Variants in WHRN observed in about 807,000 individuals in gnomAD.
WHRN encodes whirlin.
A neutral mutation model predicts 68.3 loss-of-function variants in WHRN; 41 were observed. The ratio of observed to expected loss-of-function variants is 0.60; its 90% confidence interval spans 0.47 to 0.78. The LOEUF (loss-of-function observed/expected upper bound fraction) is 0.78, where lower values mean the gene tolerates loss of function less well. WHRN is among the 30% of genes least tolerant of loss of function. The probability of loss-of-function intolerance (pLI) is 0.00; values close to 1 mark genes in which losing one functional copy is unlikely to be tolerated. For missense variants in WHRN, 1,243 were observed against 1,244.7 expected (o/e 1.00, Z 0.02); for synonymous variants, 560 against 561.3 (o/e 1.00, Z 0.03).
intron 1 of WHRN, among the ~76,000 whole-genome samples, chr9:114,502,392 T>C (rs1294673519): frequency 1.3e-5 from 2 of 152,182 alleles, no homozygotes; most frequent in African/African-American, 4.8e-5. Context: ...ATGGAGAGTT[T>C]AGGTTTTACT....
intron 1 of WHRN, among the ~76,000 whole-genome samples, chr9:114,501,221 CTT>C (rs1224966851): frequency 6.6e-6 from 1 of 152,154 alleles, no homozygotes; most frequent in Admixed American, 6.5e-5. Context: ...GAAAGGTCTA[CTT>C]TTTTATTATT....
intron 1 of WHRN, among the ~76,000 whole-genome samples, chr9:114,487,492 T>G (rs1256853621): frequency 6.6e-6 from 1 of 152,198 alleles, no homozygotes; most frequent in Non-Finnish European, 1.5e-5. Flanking sequence ...CTTCCAATAC[T>G]CCATCCCATT....
At chr9:114,427,182 C>T (rs1196219254) in intron 3 of WHRN, among the ~76,000 whole-genome samples, 7 of 152,170 alleles carry the variant, frequency 4.6e-5, no homozygotes. Context: ...TGCTTGAGCC[C>T]AAGAGTTCGA....
Position 114,478,007 on chromosome 9 carries a change from T to G in WHRN, c.837+546A>C, listed in dbSNP as rs533477638. Among the ~76,000 whole-genome samples, 10 of 151,952 alleles carry G rather than the reference T, an allele frequency of 6.6e-5. No homozygotes were observed. The East Asian group carries it at 1.4e-3, about 21-fold the overall frequency. ...TCAACCACGAGAAGGGGCAAGACCC[T>G]GGGGGATGGAAGATGGAGGGAATCT... On this transcript the variant is annotated intron_variant, in intron 2 of 11. Coordinates refer to ENST00000362057, the MANE Select transcript of WHRN (RefSeq NM_015404.4).
rs371938756 is a variant in WHRN at position 114,423,423 on chromosome 9, C to T, written c.1517G>A (p.Arg506Gln). The change falls in exon 7 of 12, where the codon CGG becomes CAG. Residue 506 changes from arginine (R) to glutamine (Q), a missense_variant. Transcript: ENST00000362057. The part of the protein sequence containing the change: ...LRREIESMKA[R>Q]QPPGPGAGDT... ...CCCAGCCCCGGGGCCTGGGGGCTGC[C>T]GCGCCTTCATGGACTCAATCTCACG... The T allele has an allele frequency of 1.9e-5, 30 of 1,613,982 alleles. No individual in the cohort carries two copies. The highest frequency in any genetic ancestry group is 1.6e-4 in the Middle Eastern group (1 of 6,084).
intron 1 of WHRN, among the ~76,000 whole-genome samples, chr9:114,487,947 G>A (rs988712692): frequency 2.0e-5 from 3 of 152,184 alleles, no homozygotes; most frequent in African/African-American, 7.2e-5. Flanking sequence ...CCCAGTTTAG[G>A]CAGATCTTGG....
intron 1 of WHRN, among the ~76,000 whole-genome samples, chr9:114,486,918 TGTGTGTAGA>T (rs1816101187): frequency 1.7e-5 from 2 of 116,276 alleles, no homozygotes; most frequent in African/African-American, 6.3e-5. Flanking sequence ...AGTGTGTGTG[TGTGTGTAGA>T]GTGTGTGTGT....
At chr9:114,408,091 C>G (rs542902350) in intron 7 of WHRN, 73 bp from the exon 8 acceptor site, 2 of 1,311,960 alleles carry the variant, frequency 1.5e-6, no homozygotes, top group South Asian at 2.5e-5. Context: ...CTCCAGCACA[C>G]CAAAATTGAG....
rs774944578 is a variant in WHRN, at chr9:114,426,215, C to A, written c.1162G>T (p.Ala388Ser). 6.2e-7 allele frequency: 1 copy of A among 1,612,176 alleles called. No homozygotes were observed. Among genetic ancestry groups the A allele is most frequent in the Admixed American group, 1.7e-5 (1 of 60,022 alleles). ...GAGCGAGCAGAGTGGCCAGACCCTG[C>A]CGAGTTCGCCATGGTCTCCCTGATC... ...SRIRETMANSAGFLGDLTTEG... is the reference protein window; with the variant it reads ...SRIRETMANSSGFLGDLTTEG... Residue 388 changes from alanine to serine, a missense_variant, in exon 4 of 12, where the codon GCA (alanine) becomes TCA (serine). Transcript: ENST00000362057.
intron 7 of WHRN, among the ~76,000 whole-genome samples, chr9:114,412,279 G>A (rs996973099): frequency 3.9e-5 from 6 of 152,188 alleles, no homozygotes; most frequent in African/African-American, 1.4e-4. Context: ...AAATGCCTGC[G>A]GAACAGGCTT....
Position 114,472,117 on chromosome 9 carries a change from C to T in WHRN, c.838-5725G>A, listed in dbSNP as rs541165986. ...AGCCAAAAGCACCCCTAACTGATAG[C>T]GCCATCCAGGGCTGTTGTGAGGATG... On this transcript the variant is annotated intron_variant, in intron 2 of 11. Transcript: ENST00000362057. Among the ~76,000 whole-genome samples the T allele has an allele frequency of 9.8e-5, 15 of 152,360 alleles. No homozygotes were observed. The East Asian group carries it at 1.5e-3, about 16-fold the overall frequency.
At chr9:114,425,630 C>CACACACACACACACACAG (rs752151116) in intron 4 of WHRN, 10 of 232,652 alleles carry the variant, frequency 4.3e-5, no homozygotes, top group Admixed American at 1.0e-4. Context: ...CACACACACA[C>CACACACACACACACACAG]AGAGAGACAC....
At chr9:114,496,770 G>C (rs1031729991) in intron 1 of WHRN, among the ~76,000 whole-genome samples, 2 of 152,222 alleles carry the variant, frequency 1.3e-5, no homozygotes, top group African/African-American at 4.8e-5. Flanking sequence ...CAAGGTCACA[G>C]CCAAGTTACA....
In WHRN at chr9:114,493,144, G is replaced by A. The variant is rs750611766; in HGVS notation, c.618+11040C>T. Among the ~76,000 whole-genome samples the A allele has an allele frequency of 8.4e-4, 128 of 152,124 alleles. 1 individual carries two copies. The highest frequency in any genetic ancestry group is 2.6e-3 in the African/African-American group (110 of 41,512). ...GTAGGAGAATCGCTTGAGCCCAGAA[G>A]TTTGAGACCAGCCTGGGCGACATAG... On this transcript the variant is annotated intron_variant, in intron 1 of 11. Transcript: ENST00000362057.
At chr9:114,445,677 T>C (rs1321775726) in intron 3 of WHRN, among the ~76,000 whole-genome samples, 1 of 152,162 alleles carries the variant, frequency 6.6e-6, no homozygotes. Context: ...TCGGTAGATA[T>C]GCCGTGCCAC....
chr9:114,496,757 G>A lies in WHRN; in HGVS notation c.618+7427C>T, dbSNP rs377031160. Reference sequence around the variant, plus strand: ...GAGTAACAGAAAGGCAAAGGGACCTGCCCAAGGTCACAGCCAAGTTACACT... The same window carrying A: ...GAGTAACAGAAAGGCAAAGGGACCTACCCAAGGTCACAGCCAAGTTACACT... On this transcript the variant is annotated intron_variant, in intron 1 of 11. Coordinates refer to ENST00000362057, the MANE Select transcript of WHRN (RefSeq NM_015404.4). Among the ~76,000 whole-genome samples, 44 of 152,324 alleles carry A rather than the reference G, an allele frequency of 2.9e-4. No homozygotes were observed. The East Asian group carries it at 6.2e-3, about 21-fold the overall frequency.
intron 1 of WHRN, among the ~76,000 whole-genome samples, chr9:114,498,015 T>C (rs1843610358): frequency 6.6e-6 from 1 of 152,144 alleles, no homozygotes; most frequent in African/African-American, 2.4e-5. Flanking sequence ...TTTTTCAGTG[T>C]TTTTGTCTAG....
Position 114,504,833 on chromosome 9 carries a change from G to A in WHRN, c.-32C>T. 7.2e-7 allele frequency: 1 copy of A among 1,379,470 alleles called. No homozygotes were observed. Among genetic ancestry groups the A allele is most frequent in the Non-Finnish European group, 9.3e-7 (1 of 1,078,648 alleles). 85.5% of individuals were successfully genotyped at this position (1,379,470 alleles called of 1,614,324 possible). ...GCCGAGGCCCGGCCGGGCTCTGAGC[G>A]CGCGGGGTGTGGGCGGTGCCGCTGT... is the stretch of plus-strand genomic sequence containing the variant. On this transcript the variant is annotated 5_prime_UTR_variant, in exon 1 of 12. Transcript: ENST00000362057.
chr9:114,483,266 T>C (rs1304388667), intron 1 of WHRN, among the ~76,000 whole-genome samples: 2 of 152,182 alleles, frequency 1.3e-5, no homozygotes, highest in Non-Finnish European at 2.9e-5. Context: ...GATATGGTCT[T>C]GGTGCAGTGG....
Sources: gnomAD v4.1 joint callset for allele counts (sites outside exome capture counted in the v4.1 genomes callset) on GRCh38, gnomAD v4.1.1 for gene constraint, MANE v1.5 for transcripts, NCBI Gene and HGNC (gene_info 2026-07-23, HGNC 2026-07-21) for gene names.